TRAPPC10: variants seen among roughly 807,000 people sequenced by gnomAD.
TRAPPC10 encodes trafficking protein particle complex subunit 10, also known as TRAPP 130 kDa subunit.
A neutral mutation model predicts 125.5 loss-of-function variants in TRAPPC10; 23 were observed. The observed-to-expected ratio is 0.18, with a 90% CI of 0.13 to 0.26. TRAPPC10 has a LOEUF of 0.26. Ranked by LOEUF, TRAPPC10 falls within the 10% of genes least tolerant of loss-of-function variation. The pLI is 1.00. For missense variants in TRAPPC10, 1,123 were observed against 1,308.4 expected, an observed-to-expected ratio of 0.86 and a Z score of 2.19; for synonymous variants, 509 against 518.0, an observed-to-expected ratio of 0.98 and a Z score of 0.24.
At chr21:44,052,005 C>CTGAG (rs2035265400) in intron 3 of TRAPPC10, among the ~76,000 whole-genome samples, 1 of 152,234 alleles carries the variant, frequency 6.6e-6, no homozygotes, top group East Asian at 1.9e-4. Context: ...ACTCAACCCT[C>CTGAG]TGACTCTCAG....
intron 15 of TRAPPC10, among the ~76,000 whole-genome samples, chr21:44,085,755 G>A (rs1427666510): frequency 6.6e-6 from 1 of 151,904 alleles, no homozygotes. Flanking sequence ...AAACTTGTCC[G>A]TCTGGCATGG....
intron 2 of TRAPPC10, among the ~76,000 whole-genome samples, chr21:44,033,861 T>TA (rs1025483553): frequency 6.6e-6 from 1 of 152,122 alleles, no homozygotes; most frequent in African/African-American, 2.4e-5. Flanking sequence ...AGACCCTGGC[T>TA]AAAAAATAAA....
chr21:44,032,184 G>T lies in TRAPPC10; in HGVS notation c.149+12G>T, dbSNP rs1022543347. The T allele has an allele frequency of 1.9e-6, 3 of 1,608,034 alleles. No individual in the cohort carries two copies. The highest frequency in any genetic ancestry group is 2.5e-6 in the Non-Finnish European group (3 of 1,176,980). The stretch of plus-strand genomic sequence containing the variant: ...ATGGAATGGAGAAGGTATGAGTTGT[G>T]TGTTTTTTGGCTGTATCCCTCTCTT... On this transcript the variant is annotated intron_variant, in intron 2 of 22. Transcript: ENST00000291574.
chr21:44,081,027 T>TC lies in TRAPPC10; in HGVS notation c.1723+900_1723+901insC, dbSNP rs1569207576. On this transcript the variant is annotated intron_variant, in intron 13 of 22. Coordinates refer to ENST00000291574, the MANE Select transcript of TRAPPC10 (RefSeq NM_003274.5). ...GTTCTTTTTTTTTTTCTTTTTTTTT[T>TC]TTTTTTTTTTGACTATCTTGCTCTC... Among the ~76,000 whole-genome samples, 8 of 139,200 alleles carry TC rather than the reference T, an allele frequency of 5.7e-5. No homozygotes were observed. In the East Asian group the frequency reaches 1.6e-3, roughly 28 times the overall value. The allele number at this position is 139,200 out of a possible 152,430, so 91.3% of individuals were successfully genotyped here.
chr21:44,054,755 A>G (rs1263855430), intron 4 of TRAPPC10, among the ~76,000 whole-genome samples: 1 of 152,178 alleles, frequency 6.6e-6, no homozygotes, highest in Non-Finnish European at 1.5e-5. Flanking sequence ...TTAATTGTTT[A>G]TTAACCTTCC....
intron 1 of TRAPPC10, among the ~76,000 whole-genome samples, chr21:44,029,698 C>T (rs549782919): frequency 6.6e-6 from 1 of 152,328 alleles, no homozygotes; most frequent in South Asian, 2.1e-4. Flanking sequence ...CAGGCAGCCA[C>T]AGCATGGGCC....
chr21:44,036,339 C>T (rs1168859092), intron 2 of TRAPPC10, among the ~76,000 whole-genome samples: 1 of 152,236 alleles, frequency 6.6e-6, no homozygotes. Context: ...TTATCATTCA[C>T]AGTGTCATCA....
chr21:44,055,724 A>G lies in TRAPPC10; in HGVS notation c.509A>G (p.Lys170Arg), dbSNP rs1356537738. The change falls in exon 5 of 23, where the codon AAG becomes AGG. Residue 170 changes from lysine to arginine, a missense_variant. Transcript: ENST00000291574. ...TGTGTTGTGCTCTCCGACCCCTTGA[A>G]GGACTCTTCTCGAACTCAGGAATCC... ...DRCVVLSDPLKDSSRTQESWN... is the reference protein window; with the variant it reads ...DRCVVLSDPLRDSSRTQESWN... The G allele has an allele frequency of 3.1e-6, 5 of 1,611,040 alleles. No homozygotes were observed. Among genetic ancestry groups the G allele is most frequent in the Non-Finnish European group, 4.2e-6 (5 of 1,177,602 alleles).
At chr21:44,051,654 G>C (rs1388585367) in intron 3 of TRAPPC10, among the ~76,000 whole-genome samples, 2 of 152,222 alleles carry the variant, frequency 1.3e-5, no homozygotes, top group Non-Finnish European at 2.9e-5. Context: ...GCTGCCTGTC[G>C]GGAAGTAGAG....
intron 1 of TRAPPC10, among the ~76,000 whole-genome samples, 189 bp downstream of exon 1, chr21:44,012,749 G>T (rs1218505576): frequency 6.6e-6 from 1 of 152,012 alleles, no homozygotes; most frequent in East Asian, 1.9e-4. Flanking sequence ...TGACCTTCCC[G>T]CCGGGCGACC....
intron 1 of TRAPPC10, among the ~76,000 whole-genome samples, chr21:44,019,573 T>C (rs1419370648): frequency 6.6e-6 from 1 of 152,234 alleles, no homozygotes; most frequent in South Asian, 2.1e-4. Context: ...ATTTATGACT[T>C]CTTTTTTCTC....
chr21:44,031,539 G>A (rs1378245497), intron 1 of TRAPPC10, among the ~76,000 whole-genome samples: 1 of 152,212 alleles, frequency 6.6e-6, no homozygotes, highest in Non-Finnish European at 1.5e-5. Context: ...CCTCATCTGT[G>A]AATTGGGGTC....
chr21:44,070,594 GGT>G (rs2036792072), intron 7 of TRAPPC10, among the ~76,000 whole-genome samples: 3 of 152,246 alleles, frequency 2.0e-5, no homozygotes, highest in Admixed American at 2.0e-4. Context: ...TGTTGGCTGA[GGT>G]GCCCATTTTC....
intron 1 of TRAPPC10, among the ~76,000 whole-genome samples, chr21:44,024,869 T>C (rs907034690): frequency 6.6e-6 from 1 of 152,230 alleles, no homozygotes. Context: ...ACAGTTTTTA[T>C]GGTTTTCCTT....
At chr21:44,064,968 G>A (rs2036329997) in intron 7 of TRAPPC10, among the ~76,000 whole-genome samples, 1 of 152,154 alleles carries the variant, frequency 6.6e-6, no homozygotes, top group Admixed American at 6.5e-5. Flanking sequence ...GACTCTGCCT[G>A]GGTTGCTCAG....
At chr21:44,039,729 G>A (rs1277553264) in intron 3 of TRAPPC10, among the ~76,000 whole-genome samples, 4 of 152,212 alleles carry the variant, frequency 2.6e-5, no homozygotes, top group Non-Finnish European at 4.4e-5. Flanking sequence ...GCTGGGCGTG[G>A]TGGCACATGC....
rs765199182 is a variant in TRAPPC10 at position 44,094,185 on chromosome 21, T to C, written c.3120T>C (p.Ser1040=). 3.7e-6 allele frequency: 6 copies of C among 1,614,244 alleles called. No homozygotes were observed. In the South Asian group the frequency reaches 6.6e-5, roughly 18 times the overall value. The change falls in exon 20 of 23, where the codon TCT becomes TCC. Residue 1040 remains serine, a synonymous_variant. Transcript: ENST00000291574. ...GFSPASEEQL[S]ISLKPYTYEF... ...CCCCAGCTTCTGAGGAACAGCTGTC[T>C]ATCTCCTTAAAGCCGTATACTTATG...
At position 44,063,026 on chromosome 21, in the gene TRAPPC10, C is replaced by G. The variant is rs1474630292; in HGVS notation, c.791-512C>G. On this transcript the variant is annotated intron_variant, in intron 6 of 22. Transcript: ENST00000291574. The surrounding 1 kb of genome is among the most constrained non-coding windows in gnomAD (Gnocchi z 4.4). The stretch of plus-strand genomic sequence containing the variant: ...TTCTTTTTCCTTCTATGTGCTGCTA[C>G]CAAGTCCTCCCTGTCCCTTCCTCCA... 4.6e-6 allele frequency: 6 copies of G among 1,304,184 alleles called. No individual in the cohort carries two copies. 80.8% of individuals were successfully genotyped at this position (1,304,184 alleles called of 1,614,324 possible).
At chr21:44,051,375 T>C (rs1480829175) in intron 3 of TRAPPC10, among the ~76,000 whole-genome samples, 2 of 152,156 alleles carry the variant, frequency 1.3e-5, no homozygotes, top group Admixed American at 6.5e-5. Flanking sequence ...TGTCCAGATA[T>C]TGTCAGTGCC....
Sources: allele counts gnomAD v4.1 joint callset (sites outside exome capture counted in the v4.1 genomes callset), GRCh38; gene constraint gnomAD v4.1.1; non-coding constraint Gnocchi (gnomAD v3.1); transcripts MANE v1.5; gene names NCBI Gene and HGNC (gene_info 2026-07-23, HGNC 2026-07-21).